Variants in NLGN1 observed in about 807,000 individuals in gnomAD.
NLGN1 encodes the protein neuroligin 1, also known as neuroligin-1.
A neutral mutation model predicts 65.5 loss-of-function variants in NLGN1; 12 were observed. The observed-to-expected ratio is 0.18, with a 90% CI of 0.12 to 0.30. The LOEUF is 0.30. Among genes scored for constraint, NLGN1 ranks in the 10% least tolerant of loss-of-function variants. The pLI, the probability that NLGN1 is intolerant of heterozygous loss-of-function variation, is 1.00. For missense variants in NLGN1, 750 were observed against 1,007.1 expected (o/e 0.74, Z 3.46); for synonymous variants, 350 against 359.5 (o/e 0.97, Z 0.30).
At chr3:173,463,999 TA>T (rs755486829) in intron 2 of NLGN1, among the ~76,000 whole-genome samples, 10 of 151,314 alleles carry the variant, frequency 6.6e-5, no homozygotes, top group Admixed American at 1.3e-4. Flanking sequence ...TTCTAAATAT[TA>T]AAAAAAAACC....
rs73037243 is a variant in NLGN1, at chr3:173,923,388, C to T, written c.646+115556C>T. Among the ~76,000 whole-genome samples the T allele has an allele frequency of 9.9e-4, 151 of 152,170 alleles. 1 individual carries two copies. Among genetic ancestry groups the T allele is most frequent in the Middle Eastern group, 6.8e-3 (2 of 294 alleles). The stretch of plus-strand genomic sequence containing the variant: ...TGCATCTTGAATGGTCATACATACC[C>T]CACCCTAAAATGAATTGGCCAGAAT... On this transcript the variant is annotated intron_variant, in intron 4 of 6. Transcript: ENST00000457714.
At chr3:174,011,652 G>A (rs930352880) in intron 4 of NLGN1, among the ~76,000 whole-genome samples, 5 of 151,916 alleles carry the variant, frequency 3.3e-5, no homozygotes, top group Non-Finnish European at 7.4e-5. Flanking sequence ...GAAACCGTGG[G>A]GCCCTAGGAG....
At chr3:173,499,668 T>C (rs1730678938) in intron 2 of NLGN1, among the ~76,000 whole-genome samples, 1 of 151,898 alleles carries the variant, frequency 6.6e-6, no homozygotes, top group Admixed American at 6.5e-5. Context: ...TTCACGATAT[T>C]GTTTCTTCCT....
intron 4 of NLGN1, among the ~76,000 whole-genome samples, chr3:174,203,088 C>G (rs1734780401): frequency 6.6e-6 from 1 of 152,180 alleles, no homozygotes; most frequent in Non-Finnish European, 1.5e-5. Context: ...AATGTGCTTG[C>G]TTACTGAAGC....
chr3:174,136,072 A>T (rs1374857899), intron 4 of NLGN1, among the ~76,000 whole-genome samples: 2 of 152,036 alleles, frequency 1.3e-5, no homozygotes, highest in Non-Finnish European at 2.9e-5. Context: ...GAGGGCTTTG[A>T]TCTTTGCTTC....
At chr3:174,034,841 A>G (rs547718387) in intron 4 of NLGN1, among the ~76,000 whole-genome samples, 1 of 152,304 alleles carries the variant, frequency 6.6e-6, no homozygotes, top group African/African-American at 2.4e-5. Flanking sequence ...TGATATCAAT[A>G]ATCATTTTGT....
At chr3:173,741,054 T>A (rs1774564230) in intron 3 of NLGN1, among the ~76,000 whole-genome samples, 1 of 152,170 alleles carries the variant, frequency 6.6e-6, no homozygotes, top group Admixed American at 6.6e-5. Flanking sequence ...CAATTAGTTA[T>A]CAGAATGCCT....
intron 4 of NLGN1, among the ~76,000 whole-genome samples, chr3:174,006,590 C>T (rs1425071257): frequency 1.3e-5 from 2 of 152,136 alleles, no homozygotes; most frequent in South Asian, 2.1e-4. Flanking sequence ...CGCCAACCAA[C>T]CTATATTTTA....
In NLGN1 at chr3:173,571,437, A is replaced by G. The variant is rs368189762; in HGVS notation, c.-320-32842A>G. On this transcript the variant is annotated intron_variant, in intron 2 of 6. Coordinates refer to ENST00000457714, the Ensembl canonical transcript of NLGN1. Reference sequence around the variant, plus strand: ...TGCCCTTGGCATGATGAATCTGGTTATTTAATGGAGGTGTCACACTTTTTA... The same window carrying G: ...TGCCCTTGGCATGATGAATCTGGTTGTTTAATGGAGGTGTCACACTTTTTA... Among the ~76,000 whole-genome samples, 17 of 152,344 alleles carry G rather than the reference A, an allele frequency of 1.1e-4. No individual in the cohort carries two copies. The South Asian group carries it at 2.1e-3, about 19-fold the overall frequency.
intron 4 of NLGN1, among the ~76,000 whole-genome samples, chr3:173,882,644 T>C (rs1322202277): frequency 6.6e-6 from 1 of 152,222 alleles, no homozygotes; most frequent in Non-Finnish European, 1.5e-5. Flanking sequence ...TCTCTCAGCC[T>C]TCATAGAATT....
chr3:173,599,628 A>G (rs1283415191), intron 2 of NLGN1, among the ~76,000 whole-genome samples: 2 of 152,154 alleles, frequency 1.3e-5, no homozygotes, highest in South Asian at 2.1e-4. Flanking sequence ...CCATTTTTAT[A>G]TCCACTTATT....
chr3:173,710,607 G>T (rs1182999094), intron 3 of NLGN1, among the ~76,000 whole-genome samples: 1 of 152,122 alleles, frequency 6.6e-6, no homozygotes, highest in South Asian at 2.1e-4. Flanking sequence ...CACAGCACAC[G>T]AGTGCAATGT....
At chr3:174,142,629 T>C (rs1170919468) in intron 4 of NLGN1, among the ~76,000 whole-genome samples, 1 of 151,974 alleles carries the variant, frequency 6.6e-6, no homozygotes, top group East Asian at 1.9e-4. Flanking sequence ...CTTGGCGTAT[T>C]CTAGGAAGAG....
chr3:173,629,206 AT>A (rs1402245864), intron 3 of NLGN1, among the ~76,000 whole-genome samples: 1 of 151,652 alleles, frequency 6.6e-6, no homozygotes, highest in Non-Finnish European at 1.5e-5. Context: ...GGATCCAATT[AT>A]TTCTTTGTGC....
At chr3:174,213,977 T>TAA (rs1316508394) in intron 4 of NLGN1, among the ~76,000 whole-genome samples, 2 of 152,176 alleles carry the variant, frequency 1.3e-5, no homozygotes, top group African/African-American at 2.4e-5. Context: ...AATATTAACA[T>TAA]AACAATATAT....
rs540397875 is a variant in NLGN1 at position 174,092,665 on chromosome 3, G to A, written c.647-182650G>A. On this transcript the variant is annotated intron_variant, in intron 4 of 6. Coordinates refer to ENST00000457714, the Ensembl canonical transcript of NLGN1. ...TTATTATTATTATTATTTTACTTCA[G>A]CAGGGAAATTGGGTCTCTAGGGCCC... Among the ~76,000 whole-genome samples the A allele has an allele frequency of 2.0e-5, 3 of 151,980 alleles. No individual in the cohort carries two copies. In the South Asian group the frequency reaches 6.3e-4, roughly 32 times the overall value.
At chr3:173,527,436 C>G (rs1735832699) in intron 2 of NLGN1, among the ~76,000 whole-genome samples, 1 of 152,110 alleles carries the variant, frequency 6.6e-6, no homozygotes. Context: ...CTCGCTCTTT[C>G]ACCCAGGCTG....
chr3:173,448,114 G>A (rs1461140235), intron 2 of NLGN1, among the ~76,000 whole-genome samples: 1 of 152,136 alleles, frequency 6.6e-6, no homozygotes, highest in Non-Finnish European at 1.5e-5. Context: ...TAGGAGTGGT[G>A]AGAGAGGGCA....
chr3:173,927,929 A>T (rs1349218690), intron 4 of NLGN1, among the ~76,000 whole-genome samples: 3 of 152,068 alleles, frequency 2.0e-5, no homozygotes, highest in Non-Finnish European at 4.4e-5. Context: ...TTCTCTGAAG[A>T]CCTGGTTGTG....
Sources: allele counts gnomAD v4.1 joint callset (sites outside exome capture counted in the v4.1 genomes callset), GRCh38; gene constraint gnomAD v4.1.1; transcripts MANE v1.5; gene names NCBI Gene and HGNC (gene_info 2026-07-23, HGNC 2026-07-21).